The following ROBO1 variants were observed in gnomAD, a reference collection of about 807,000 sequenced individuals.
The protein encoded by ROBO1 is roundabout homolog 1.
Under a neutral mutation model 195.9 loss-of-function variants are expected in ROBO1, and 149 were observed. That is an observed-to-expected ratio of 0.76 (90% confidence interval 0.67 to 0.87). The LOEUF is 0.87. Ranked by LOEUF, ROBO1 falls within the 40% of genes least tolerant of loss-of-function variation. ROBO1 has a pLI of 0.00. For missense variants in ROBO1, 1,933 were observed against 2,068.3 expected (o/e 0.93, Z 1.27); for synonymous variants, 816 against 733.2 (o/e 1.11, Z -1.82).
intron 2 of ROBO1, among the ~76,000 whole-genome samples, chr3:79,269,657 G>T (rs2030337434): frequency 6.6e-6 from 1 of 151,684 alleles, no homozygotes; most frequent in African/African-American, 2.4e-5. Flanking sequence ...TTAATAATGT[G>T]TCTGTGAATT....
intron 2 of ROBO1, among the ~76,000 whole-genome samples, chr3:79,321,011 T>C (rs988118159): frequency 6.6e-6 from 1 of 152,176 alleles, no homozygotes; most frequent in African/African-American, 2.4e-5. Flanking sequence ...AACTTAAATA[T>C]TATCCCCCAA....
chr3:79,603,674 T>TTTGAGTAAATACA (rs1944403457), intron 1 of ROBO1, among the ~76,000 whole-genome samples: 2 of 152,022 alleles, frequency 1.3e-5, no homozygotes, highest in South Asian at 4.1e-4. Context: ...CTGTCTGTGC[T>TTTGAGTAAATACA]TTGAGTAAAT....
intron 4 of ROBO1, among the ~76,000 whole-genome samples, chr3:78,840,500 A>G (rs1277884776): frequency 3.3e-5 from 5 of 152,170 alleles, no homozygotes; most frequent in African/African-American, 1.2e-4. Context: ...CAATCTTCTG[A>G]GAAGAGTACT....
In ROBO1 at chr3:79,129,808, T is replaced by C. The variant is rs58239085; in HGVS notation, c.89-4269A>G. ...AGGTTTTCTTCTAGGGTTTTTATGG[T>C]TTTAGGTCTAACGTTTAAATCTTTA... On this transcript the variant is annotated intron_variant, in intron 2 of 30. Transcript: ENST00000464233. 5.3e-4 allele frequency among the ~76,000 whole-genome samples: 81 copies of C among 151,928 alleles called. 1 individual carries two copies. In the East Asian group the frequency reaches 0.014, roughly 27 times the overall value.
At chr3:79,099,214 T>C (rs1461625545) in intron 3 of ROBO1, among the ~76,000 whole-genome samples, 2 of 151,806 alleles carry the variant, frequency 1.3e-5, no homozygotes, top group African/African-American at 4.8e-5. Context: ...AACACACTTG[T>C]ATTTTTTTAA....
chr3:78,764,031 A>G (rs1252052166), intron 4 of ROBO1, among the ~76,000 whole-genome samples: 1 of 152,196 alleles, frequency 6.6e-6, no homozygotes, highest in African/African-American at 2.4e-5. Flanking sequence ...GGGTTTGGAT[A>G]TGGATTTTCA....
At chr3:79,241,673 GATAACAATATTTATGTAATAAATATGTA>G (rs2082520684) in intron 2 of ROBO1, among the ~76,000 whole-genome samples, 1 of 149,974 alleles carries the variant, frequency 6.7e-6, no homozygotes. Context: ...TGTAAATATA[GATAACAATATTTATGTAATAAATATGTA>G]ATAACAATAT....
intron 4 of ROBO1, among the ~76,000 whole-genome samples, chr3:78,841,252 A>C (rs1478438082): frequency 6.6e-6 from 1 of 152,184 alleles, no homozygotes; most frequent in African/African-American, 2.4e-5. Flanking sequence ...CTCAATTATC[A>C]GACCATACAC....
chr3:79,098,847 A>G (rs1322237509), intron 3 of ROBO1, among the ~76,000 whole-genome samples: 1 of 151,716 alleles, frequency 6.6e-6, no homozygotes, highest in African/African-American at 2.4e-5. Flanking sequence ...ACTGTCGAAG[A>G]TGGCCGACAG....
chr3:78,872,172 A>C (rs570974429), intron 4 of ROBO1, among the ~76,000 whole-genome samples: 1 of 152,088 alleles, frequency 6.6e-6, no homozygotes, highest in Non-Finnish European at 1.5e-5. Context: ...GAATTTTCTG[A>C]CTTCTAACAA....
chr3:79,700,958 A>G (rs7431814), intron 1 of ROBO1, among the ~76,000 whole-genome samples: 37,084 of 151,626 alleles, frequency 0.24, 4,856 homozygotes, highest in African/African-American at 0.33. Flanking sequence ...TATAGTTAAG[A>G]TCTTACATTT....
At chr3:79,184,971 C>T (rs751008264) in intron 2 of ROBO1, among the ~76,000 whole-genome samples, 5 of 152,126 alleles carry the variant, frequency 3.3e-5, no homozygotes, top group Non-Finnish European at 7.4e-5. Context: ...ATCAGCCAGA[C>T]TCTTCCATGT....
At chr3:79,573,682 G>A (rs1943353638) in intron 2 of ROBO1, among the ~76,000 whole-genome samples, 1 of 151,848 alleles carries the variant, frequency 6.6e-6, no homozygotes, top group Admixed American at 6.6e-5. Context: ...TTCAATTAGG[G>A]GTAGCTTTCA....
intron 2 of ROBO1, among the ~76,000 whole-genome samples, chr3:79,377,160 T>C (rs2036413047): frequency 6.6e-6 from 1 of 152,168 alleles, no homozygotes; most frequent in South Asian, 2.1e-4. Flanking sequence ...TTCATCTTTA[T>C]ATTGTGACCC....
In ROBO1 at chr3:79,627,410, C is replaced by T. The variant is rs565491943; in HGVS notation, c.-50-37449G>A. Among the ~76,000 whole-genome samples, 44 of 152,194 alleles carry T rather than the reference C, an allele frequency of 2.9e-4. No individual in the cohort carries two copies. The South Asian group carries it at 6.4e-3, about 22-fold the overall frequency. On this transcript the variant is annotated intron_variant, in intron 1 of 30. Coordinates refer to ENST00000464233, the MANE Select transcript of ROBO1 (RefSeq NM_002941.4). The stretch of plus-strand genomic sequence containing the variant: ...AATCAAGCAATGGAGAAAGGATCTC[C>T]GATTCAGTAAATGGTGCTGGGAAAA...
chr3:79,234,212 T>C (rs1051405707), intron 2 of ROBO1, among the ~76,000 whole-genome samples: 1 of 152,158 alleles, frequency 6.6e-6, no homozygotes, highest in Non-Finnish European at 1.5e-5. Context: ...TTTAAATTTT[T>C]GTTTTTGTTG....
intron 4 of ROBO1, among the ~76,000 whole-genome samples, chr3:78,820,014 T>G (rs1287831683): frequency 2.0e-5 from 3 of 152,244 alleles, no homozygotes; most frequent in Non-Finnish European, 4.4e-5. Flanking sequence ...TAGGTCTTTA[T>G]AATGCACCCA....
intron 4 of ROBO1, among the ~76,000 whole-genome samples, chr3:78,936,447 T>C (rs1411266095): frequency 6.6e-6 from 1 of 152,068 alleles, no homozygotes; most frequent in African/African-American, 2.4e-5. Context: ...GAAATATGAC[T>C]TTATCAAAAC....
intron 2 of ROBO1, among the ~76,000 whole-genome samples, chr3:79,129,495 T>A (rs1352738004): frequency 6.6e-6 from 1 of 152,114 alleles, no homozygotes; most frequent in African/African-American, 2.4e-5. Context: ...TTCACATATA[T>A]AATAACAGCA....
Sources: allele counts gnomAD v4.1 joint callset (sites outside exome capture counted in the v4.1 genomes callset), GRCh38; gene constraint gnomAD v4.1.1; transcripts MANE v1.5; gene names NCBI Gene and HGNC (gene_info 2026-07-23, HGNC 2026-07-21).